The following IMMP2L variants were observed in gnomAD, a reference collection of about 807,000 sequenced individuals.
IMMP2L encodes the protein mitochondrial inner membrane protease subunit 2.
A neutral mutation model predicts 19.3 loss-of-function variants in IMMP2L; 18 were observed. That is an observed-to-expected ratio of 0.93 (90% confidence interval 0.64 to 1.38). IMMP2L has a LOEUF of 1.38. IMMP2L is among the 40% of genes most tolerant of loss of function. The pLI, the probability that IMMP2L is intolerant of heterozygous loss-of-function variation, is 0.00. For synonymous variants in IMMP2L, 76 were observed against 73.0 expected, an observed-to-expected ratio of 1.04 and a Z score of -0.21; for missense variants, 233 against 218.2, an observed-to-expected ratio of 1.07 and a Z score of -0.43.
At chr7:111,141,433 T>C (rs1462172809) in intron 3 of IMMP2L, among the ~76,000 whole-genome samples, 1 of 148,994 alleles carries the variant, frequency 6.7e-6, no homozygotes, top group Non-Finnish European at 1.5e-5. Flanking sequence ...CAGGGTTACA[T>C]TTCTTTCTTT....
intron 3 of IMMP2L, among the ~76,000 whole-genome samples, chr7:111,233,103 A>G (rs1285734995): frequency 6.6e-6 from 1 of 152,142 alleles, no homozygotes; most frequent in Admixed American, 6.6e-5. Context: ...CTCATCTTAG[A>G]TGCTCAATAA....
At chr7:111,261,453 A>C (rs1390916765) in intron 3 of IMMP2L, among the ~76,000 whole-genome samples, 1 of 152,174 alleles carries the variant, frequency 6.6e-6, no homozygotes, top group Non-Finnish European at 1.5e-5. Flanking sequence ...TTACCAGTCT[A>C]AATTCCCTTT....
intron 4 of IMMP2L, among the ~76,000 whole-genome samples, chr7:110,894,284 T>C (rs146270297): frequency 2.0e-5 from 3 of 152,322 alleles, no homozygotes; most frequent in Non-Finnish European, 2.9e-5. Context: ...TATTGTTAAT[T>C]AGATACTGCA....
At chr7:111,466,418 C>G (rs1840669208) in intron 3 of IMMP2L, among the ~76,000 whole-genome samples, 1 of 151,898 alleles carries the variant, frequency 6.6e-6, no homozygotes, top group Non-Finnish European at 1.5e-5. Context: ...AAAAGAAATC[C>G]TCATTGATCT....
chr7:110,712,974 G>A (rs914048385), intron 5 of IMMP2L, among the ~76,000 whole-genome samples: 6 of 151,716 alleles, frequency 4.0e-5, no homozygotes, highest in African/African-American at 1.2e-4. Flanking sequence ...CGTCTTCTGC[G>A]TCACTCACGC....
intron 3 of IMMP2L, among the ~76,000 whole-genome samples, chr7:111,277,251 C>T (rs575091851): frequency 4.6e-5 from 7 of 151,794 alleles, no homozygotes; most frequent in African/African-American, 1.7e-4. Flanking sequence ...ACTCAAACAA[C>T]TCTACAAGAT....
chr7:111,049,970 A>G (rs955940790), intron 3 of IMMP2L, among the ~76,000 whole-genome samples: 7 of 152,198 alleles, frequency 4.6e-5, no homozygotes, highest in African/African-American at 1.7e-4. Context: ...ATCTTTACCA[A>G]AGAAATCTAA....
chr7:110,918,452 C>CTTTTTTT (rs1029668134), intron 4 of IMMP2L, among the ~76,000 whole-genome samples: 21 of 130,454 alleles, frequency 1.6e-4, no homozygotes, highest in Middle Eastern at 4.0e-3. Context: ...TTCTTTTTTT[C>CTTTTTTT]TTTTTTTTTT....
At chr7:110,675,663 A>G (rs918724675) in intron 5 of IMMP2L, among the ~76,000 whole-genome samples, 1 of 152,232 alleles carries the variant, frequency 6.6e-6, no homozygotes, top group Non-Finnish European at 1.5e-5. Context: ...CTTTCTTATC[A>G]TAGTACTTAC....
chr7:110,906,834 T>C (rs1320058288), intron 4 of IMMP2L, among the ~76,000 whole-genome samples: 1 of 152,184 alleles, frequency 6.6e-6, no homozygotes, highest in Non-Finnish European at 1.5e-5. Context: ...GTCAGCTTTA[T>C]GATTATACTA....
At chr7:111,252,569 G>A (rs767275882) in intron 3 of IMMP2L, among the ~76,000 whole-genome samples, 15 of 152,164 alleles carry the variant, frequency 9.9e-5, no homozygotes, top group Non-Finnish European at 1.5e-4. Context: ...ATGGGAAGCA[G>A]AGGAGAAAAA....
At chr7:111,260,669 G>A (rs1357322119) in intron 3 of IMMP2L, among the ~76,000 whole-genome samples, 1 of 152,036 alleles carries the variant, frequency 6.6e-6, no homozygotes, top group Non-Finnish European at 1.5e-5. Flanking sequence ...ATCATACTGG[G>A]TTGTGGTACT....
chr7:110,855,352 G>A (rs1806651877), intron 5 of IMMP2L, among the ~76,000 whole-genome samples: 1 of 151,878 alleles, frequency 6.6e-6, no homozygotes, highest in African/African-American at 2.4e-5. Context: ...AATGCCTATG[G>A]GGTGATATGA....
At chr7:111,311,349 G>A (rs1180088771) in intron 3 of IMMP2L, among the ~76,000 whole-genome samples, 1 of 152,066 alleles carries the variant, frequency 6.6e-6, no homozygotes, top group Non-Finnish European at 1.5e-5. Context: ...GGCAGGCAGG[G>A]AGGGAGGGAT....
chr7:110,798,664 A>AT (rs1214176392), intron 5 of IMMP2L, among the ~76,000 whole-genome samples: 1 of 151,948 alleles, frequency 6.6e-6, no homozygotes, highest in Non-Finnish European at 1.5e-5. Context: ...GCGGGGGTGG[A>AT]GGGGAATACT....
chr7:110,797,642 T>C (rs1434035142), intron 5 of IMMP2L, among the ~76,000 whole-genome samples: 2 of 152,010 alleles, frequency 1.3e-5, no homozygotes, highest in Admixed American at 6.6e-5. Flanking sequence ...TATAAGAATA[T>C]CTGCCATTCT....
At chr7:110,938,250 A>G (rs1172752064) in intron 4 of IMMP2L, among the ~76,000 whole-genome samples, 1 of 152,172 alleles carries the variant, frequency 6.6e-6, no homozygotes, top group Middle Eastern at 3.2e-3. Flanking sequence ...GTTCAGCATT[A>G]TGTTAGATTC....
chr7:111,434,547 T>A lies in IMMP2L; in HGVS notation c.239+52691A>T, dbSNP rs943820880. Among the ~76,000 whole-genome samples, 4 of 151,742 alleles carry A rather than the reference T, an allele frequency of 2.6e-5. No individual in the cohort carries two copies. The East Asian group carries it at 7.7e-4, about 29-fold the overall frequency. ...TTTTGTCTTGTTTGTTTTTTGTTTTTTTGTTTTATTGTTTTTGAGACAGAC... is the reference window on the plus strand; with the variant it reads ...TTTTGTCTTGTTTGTTTTTTGTTTTATTGTTTTATTGTTTTTGAGACAGAC... On this transcript the variant is annotated intron_variant, in intron 3 of 5. Coordinates refer to ENST00000405709, the MANE Select transcript of IMMP2L (RefSeq NM_032549.4).
intron 2 of IMMP2L, among the ~76,000 whole-genome samples, chr7:111,496,696 G>T (rs914891650): frequency 1.3e-5 from 2 of 152,176 alleles, no homozygotes; most frequent in African/African-American, 4.8e-5. Flanking sequence ...TCTGGGACTT[G>T]AACCAGCAGC....
Sources: allele counts gnomAD v4.1 joint callset (sites outside exome capture counted in the v4.1 genomes callset), GRCh38; gene constraint gnomAD v4.1.1; transcripts MANE v1.5; gene names NCBI Gene and HGNC (gene_info 2026-07-23, HGNC 2026-07-21).